Variants in CDK14 observed in about 807,000 individuals in gnomAD.
The protein encoded by CDK14 is cyclin-dependent kinase 14.
CDK14 carries 34 observed loss-of-function variants against 60.7 expected under a neutral mutation model. The observed-to-expected ratio is 0.56, with a 90% CI of 0.43 to 0.75. The LOEUF (loss-of-function observed/expected upper bound fraction) is 0.75. Ranked by LOEUF, CDK14 falls within the 30% of genes least tolerant of loss-of-function variation. The pLI is 0.00. For missense variants in CDK14, 482 were observed against 564.1 expected, an observed-to-expected ratio of 0.85 and a Z score of 1.47; for synonymous variants, 197 against 203.7, an observed-to-expected ratio of 0.97 and a Z score of 0.28.
At chr7:90,644,499 T>C (rs996761149) in intron 2 of CDK14, among the ~76,000 whole-genome samples, 1 of 152,198 alleles carries the variant, frequency 6.6e-6, no homozygotes, top group Non-Finnish European at 1.5e-5. Context: ...GTAACAGCTC[T>C]ATGTAATTCA....
At position 90,850,040 on chromosome 7, in the gene CDK14, T is replaced by TA. The variant is rs1419063959; in HGVS notation, c.545-13133dup. 1.3e-5 allele frequency among the ~76,000 whole-genome samples: 2 copies of TA among 152,080 alleles called. 1 individual carries two copies. The highest frequency in any genetic ancestry group is 4.8e-5 in the African/African-American group (2 of 41,322). Reference sequence around the variant, plus strand: ...CCTTTTTAGTTATAGCATTAATATATAACATTTCACCCACTTATGAAAGGA... The same window carrying TA: ...CCTTTTTAGTTATAGCATTAATATATAAACATTTCACCCACTTATGAAAGGA... On this transcript the variant is annotated intron_variant, in intron 5 of 14. Coordinates refer to ENST00000380050, the MANE Select transcript of CDK14 (RefSeq NM_001287135.2).
intron 2 of CDK14, among the ~76,000 whole-genome samples, chr7:90,704,870 G>A (rs979524898): frequency 6.6e-6 from 1 of 152,106 alleles, no homozygotes; most frequent in Non-Finnish European, 1.5e-5. Context: ...GAGATTGTAA[G>A]TAGTGAGTGA....
At chr7:91,026,802 C>T (rs1284519242) in intron 10 of CDK14, among the ~76,000 whole-genome samples, 2 of 152,108 alleles carry the variant, frequency 1.3e-5, no homozygotes, top group East Asian at 3.9e-4. Flanking sequence ...TGGTGAGGCC[C>T]CCTCCTCCTA....
chr7:90,902,663 A>G (rs2117364451), intron 7 of CDK14, among the ~76,000 whole-genome samples: 1 of 152,272 alleles, frequency 6.6e-6, no homozygotes, highest in Non-Finnish European at 1.5e-5. Flanking sequence ...GCAAGAAAAC[A>G]TGGGAGAAAC....
intron 4 of CDK14, among the ~76,000 whole-genome samples, chr7:90,762,561 A>T (rs1584867415): frequency 1.3e-5 from 2 of 152,234 alleles, no homozygotes; most frequent in East Asian, 3.8e-4. Context: ...CAATTAAAAG[A>T]CAGAGATTGT....
At chr7:91,173,737 C>G (rs1022924013) in intron 14 of CDK14, among the ~76,000 whole-genome samples, 3 of 152,168 alleles carry the variant, frequency 2.0e-5, no homozygotes, top group African/African-American at 7.2e-5. Context: ...CCCAATACCG[C>G]GCTTTTCCGA....
Position 90,838,088 on chromosome 7 carries a change from A to G in CDK14, c.545-25087A>G, listed in dbSNP as rs184881370. Among the ~76,000 whole-genome samples, 557 of 152,266 alleles carry G rather than the reference A, an allele frequency of 3.7e-3. 3 individuals are homozygous for G. The highest frequency in any genetic ancestry group is 5.9e-3 in the Non-Finnish European group (398 of 68,020). ...GCAGGAAGTCAGGGACCCCAAATGG[A>G]GGGACCGGCTGAAGCTGCGGCAGAA... On this transcript the variant is annotated intron_variant, in intron 5 of 14. Coordinates refer to ENST00000380050, the MANE Select transcript of CDK14 (RefSeq NM_001287135.2).
intron 5 of CDK14, among the ~76,000 whole-genome samples, chr7:90,830,572 T>A (rs909634446): frequency 6.6e-6 from 1 of 152,230 alleles, no homozygotes; most frequent in African/African-American, 2.4e-5. Flanking sequence ...CGGCTTCTTT[T>A]TTCTTATGCT....
intron 9 of CDK14, among the ~76,000 whole-genome samples, chr7:90,976,538 A>G (rs1488898473): frequency 2.0e-5 from 3 of 151,142 alleles, no homozygotes; most frequent in Non-Finnish European, 4.4e-5. Flanking sequence ...TTTTTTTTTT[A>G]ACTTTTTGTG....
At chr7:90,772,310 G>A (rs897176117) in intron 4 of CDK14, among the ~76,000 whole-genome samples, 6 of 152,196 alleles carry the variant, frequency 3.9e-5, no homozygotes, top group African/African-American at 1.4e-4. Flanking sequence ...TCAAAATGCA[G>A]GAGCCATGAA....
chr7:90,873,732 TTAAA>T (rs1351064661), intron 6 of CDK14, among the ~76,000 whole-genome samples: 1 of 152,226 alleles, frequency 6.6e-6, no homozygotes, highest in Non-Finnish European at 1.5e-5. Context: ...CAGTTTCTCT[TTAAA>T]TATCTAATAA....
chr7:90,710,360 T>C (rs1050403632), intron 2 of CDK14: 1 of 985,062 alleles, frequency 1.0e-6, no homozygotes, highest in Admixed American at 6.2e-5. Context: ...CTGAATGCCC[T>C]CTGAGTCAAG....
At chr7:90,971,919 C>T (rs1794944973) in intron 9 of CDK14, among the ~76,000 whole-genome samples, 1 of 152,154 alleles carries the variant, frequency 6.6e-6, no homozygotes, top group South Asian at 2.1e-4. Context: ...ATTCTAATCA[C>T]TTGCCTGGTG....
chr7:90,763,790 T>G (rs1386770300), intron 4 of CDK14, among the ~76,000 whole-genome samples: 2 of 152,136 alleles, frequency 1.3e-5, no homozygotes, highest in Non-Finnish European at 1.5e-5. Context: ...GTTGTGCACA[T>G]GTACCTTAGA....
intron 14 of CDK14, among the ~76,000 whole-genome samples, chr7:91,124,833 G>A (rs777874675): frequency 5.9e-5 from 9 of 152,164 alleles, no homozygotes; most frequent in Admixed American, 2.6e-4. Flanking sequence ...GAAGTTAGCA[G>A]TCACATATAG....
chr7:90,913,653 A>G (rs1267508395), intron 7 of CDK14, among the ~76,000 whole-genome samples: 1 of 152,198 alleles, frequency 6.6e-6, no homozygotes, highest in African/African-American at 2.4e-5. Context: ...ATACGAGAAT[A>G]TACGTCTGTT....
At chr7:90,730,881 G>T (rs1356751738) in intron 3 of CDK14, among the ~76,000 whole-genome samples, 1 of 151,810 alleles carries the variant, frequency 6.6e-6, no homozygotes, top group Non-Finnish European at 1.5e-5. Flanking sequence ...GTCAATTTTG[G>T]CTTTTGTTGC....
intron 12 of CDK14, among the ~76,000 whole-genome samples, chr7:91,087,297 G>C (rs1429918708): frequency 6.6e-6 from 1 of 152,076 alleles, no homozygotes; most frequent in Non-Finnish European, 1.5e-5. Context: ...TGTACATAGT[G>C]GTCTTACTGA....
intron 2 of CDK14, among the ~76,000 whole-genome samples, chr7:90,635,144 C>G (rs987112351): frequency 3.3e-5 from 5 of 152,064 alleles, no homozygotes; most frequent in Non-Finnish European, 7.4e-5. Flanking sequence ...TTAATTAGAT[C>G]CCATTTGTCA....
Sources: gnomAD v4.1 joint callset for allele counts (sites outside exome capture counted in the v4.1 genomes callset) on GRCh38, gnomAD v4.1.1 for gene constraint, MANE v1.5 for transcripts, NCBI Gene and HGNC (gene_info 2026-07-23, HGNC 2026-07-21) for gene names.